ICA1: variants seen among roughly 807,000 people sequenced by gnomAD.
The protein encoded by ICA1 is 69 kDa islet cell autoantigen.
In ICA1, 40 loss-of-function variants were observed where a neutral mutation model predicts 71.0. The observed-to-expected ratio is 0.56, with a 90% CI of 0.44 to 0.73. The LOEUF (loss-of-function observed/expected upper bound fraction) is 0.73, where lower values mean the gene tolerates loss of function less well. ICA1 is among the 30% of genes least tolerant of loss of function. The pLI, the probability that ICA1 is intolerant of heterozygous loss-of-function variation, is 0.00. For missense variants in ICA1, 578 were observed against 576.5 expected (o/e 1.00, Z -0.03); for synonymous variants, 207 against 209.5 (o/e 0.99, Z 0.10).
chr7:8,246,856 C>A (rs1806212212), intron 1 of ICA1, among the ~76,000 whole-genome samples: 1 of 152,208 alleles, frequency 6.6e-6, no homozygotes, highest in Non-Finnish European at 1.5e-5. Context: ...AAGCGATTCT[C>A]TTGCCTCAGC....
In ICA1 at chr7:8,262,113, G is replaced by A. The variant is rs1301656172; in HGVS notation, c.-99C>T. 1 of 152,180 alleles carries A rather than the reference G, an allele frequency of 6.6e-6. No individual in the cohort carries two copies. The highest frequency in any genetic ancestry group is 2.4e-5 in the African/African-American group (1 of 41,440). 9.4% of individuals were successfully genotyped at this position (152,180 alleles called of 1,614,324 possible). On this transcript the variant is annotated 5_prime_UTR_variant, in exon 1 of 14. Transcript: ENST00000402384. ...AGGTACCTCGGAGCCCCGGCCCCCA[G>A]GAGCCTCCCGGCCGCGGTCGGAGCG...
At chr7:8,129,292 G>A (rs1418905826) in intron 12 of ICA1, among the ~76,000 whole-genome samples, 1 of 151,540 alleles carries the variant, frequency 6.6e-6, no homozygotes, top group Non-Finnish European at 1.5e-5. Flanking sequence ...GAGACATGCT[G>A]CAATTCTGAT....
chr7:8,124,595 C>T (rs1788414438), intron 13 of ICA1, among the ~76,000 whole-genome samples: 2 of 152,040 alleles, frequency 1.3e-5, no homozygotes, highest in Non-Finnish European at 2.9e-5. Context: ...TTGTAACAAA[C>T]ACGTGTTGAA....
At chr7:8,212,383 G>A (rs1008010744) in intron 6 of ICA1, among the ~76,000 whole-genome samples, 28 of 152,124 alleles carry the variant, frequency 1.8e-4, no homozygotes, top group Non-Finnish European at 1.5e-5. Flanking sequence ...TGGCCAACAT[G>A]GTGAAACCCC....
chr7:8,176,922 T>A (rs1780803559), intron 6 of ICA1, among the ~76,000 whole-genome samples: 1 of 152,186 alleles, frequency 6.6e-6, no homozygotes. Context: ...AGCCAGGATG[T>A]GAAAGCCCCT....
intron 12 of ICA1, among the ~76,000 whole-genome samples, chr7:8,134,598 C>T (rs954994660): frequency 3.9e-5 from 6 of 152,170 alleles, no homozygotes; most frequent in Non-Finnish European, 8.8e-5. Context: ...GCTTGCAGTA[C>T]AGATGAAAAA....
At chr7:8,131,658 A>G (rs562854763) in intron 12 of ICA1, among the ~76,000 whole-genome samples, 74 of 152,222 alleles carry the variant, frequency 4.9e-4, no homozygotes, top group Non-Finnish European at 9.3e-4. Context: ...CAATTATTGC[A>G]CTGATAATTA....
In ICA1 at chr7:8,141,956, T is replaced by C. The variant is rs142615778; in HGVS notation, c.903-139A>G. On this transcript the variant is annotated intron_variant, in intron 9 of 13. Coordinates refer to ENST00000402384, the MANE Select transcript of ICA1 (RefSeq NM_001136020.3). Reference sequence around the variant, plus strand: ...ACACGCACACGAAGAAGGGTCAACATATAGTCATTTACATGCCAATTTGCT... The same window carrying C: ...ACACGCACACGAAGAAGGGTCAACACATAGTCATTTACATGCCAATTTGCT... The C allele has an allele frequency of 2.1e-4, 317 of 1,490,048 alleles. 4 individuals are homozygous for C. The African/African-American group carries it at 3.5e-3, about 16-fold the overall frequency. 92.3% of individuals were successfully genotyped at this position (1,490,048 alleles called of 1,614,324 possible).
intron 1 of ICA1, among the ~76,000 whole-genome samples, chr7:8,256,394 C>T (rs187921909): frequency 1.8e-4 from 28 of 152,276 alleles, no homozygotes; most frequent in African/African-American, 6.3e-4. Flanking sequence ...CCCCACCCTC[C>T]GATAGAACTA....
intron 1 of ICA1, among the ~76,000 whole-genome samples, chr7:8,247,040 C>T (rs1196960517): frequency 3.3e-5 from 5 of 152,328 alleles, no homozygotes; most frequent in East Asian, 1.9e-4. Context: ...ACCACCATGC[C>T]TGGCCTTTCC....
At position 8,228,680 on chromosome 7, in the gene ICA1, TA is replaced by T. The variant is rs1234292016; in HGVS notation, c.184-8del. On this transcript the variant is annotated splice_polypyrimidine_tract_variant and splice_region_variant and intron_variant, in intron 3 of 13. Transcript: ENST00000402384. ...TCTGAATTGAATGAAACAGCTGTAA[TA>T]AAAATACAAACAAAATGCAAAATAA... 1 of 1,586,236 alleles carries T rather than the reference TA, an allele frequency of 6.3e-7. No homozygotes were observed. The highest frequency in any genetic ancestry group is 8.6e-7 in the Non-Finnish European group (1 of 1,161,828).
At chr7:8,141,345 C>A (rs1424824098) in intron 10 of ICA1, among the ~76,000 whole-genome samples, 4 of 152,186 alleles carry the variant, frequency 2.6e-5, no homozygotes, top group African/African-American at 9.7e-5. Flanking sequence ...CTATCTGTTT[C>A]CAACATTGAC....
rs1198951073 is a variant in ICA1, at chr7:8,123,625, T to TG, written c.1330+4247_1330+4248insC. Among the ~76,000 whole-genome samples, 87 of 152,206 alleles carry TG rather than the reference T, an allele frequency of 5.7e-4. No homozygotes were observed. Among genetic ancestry groups the TG allele is most frequent in the African/African-American group, 1.9e-3 (80 of 41,440 alleles). Reference sequence around the variant, plus strand: ...TATTCTATTCTGGAACATCATTCAATTGTGTGTGGACTTAGCCTCTGTCTC... The same window carrying TG: ...TATTCTATTCTGGAACATCATTCAATGTGTGTGTGGACTTAGCCTCTGTCTC... On this transcript the variant is annotated intron_variant, in intron 13 of 13. Transcript: ENST00000402384. The surrounding 1 kb of genome is among the most constrained non-coding windows in gnomAD (Gnocchi z 4.1).
chr7:8,157,156 C>G lies in ICA1; in HGVS notation c.764G>C (p.Ser255Thr). The G allele has an allele frequency of 1.2e-6, 2 of 1,613,626 alleles. No homozygotes were observed. Among genetic ancestry groups the G allele is most frequent in the Non-Finnish European group, 1.7e-6 (2 of 1,179,924 alleles). Residue 255 changes from serine to threonine, a missense_variant, in exon 8 of 14, where the codon AGT (serine) becomes ACT (threonine). Physicochemically the swap from Ser to Thr is moderately conservative, Grantham distance 58. Transcript: ENST00000402384. ...TSHTMAAIHE[S>T]FKGYQPYEFT... is the part of the protein sequence containing the mutation. ...TTCATATGGTTGATAACCTTTGAAA[C>G]TCTCATGGATGGCTGCCATAGTGTG...
chr7:8,232,531 C>T, intron 3 of ICA1, 59 bp downstream of exon 3: 1 of 1,491,142 alleles, frequency 6.7e-7, no homozygotes, highest in South Asian at 1.4e-5. Context: ...TGAGTATACT[C>T]TAGGACCTTG....
chr7:8,228,568 T>C, intron 4 of ICA1, 33 bp downstream of exon 4: 1 of 1,309,992 alleles, frequency 7.6e-7, no homozygotes, highest in Non-Finnish European at 1.1e-6. Flanking sequence ...TTTCTTACTA[T>C]TTGATCAATA....
intron 6 of ICA1, among the ~76,000 whole-genome samples, chr7:8,198,161 G>A (rs1174855274): frequency 6.6e-6 from 1 of 152,156 alleles, no homozygotes; most frequent in Non-Finnish European, 1.5e-5. Context: ...GTTACCCATT[G>A]TCACAAACAT....
In ICA1 at chr7:8,228,959, A is replaced by G. The variant is rs541884269; in HGVS notation, c.184-286T>C. Among the ~76,000 whole-genome samples the G allele has an allele frequency of 7.2e-5, 11 of 152,342 alleles. No individual in the cohort carries two copies. In the South Asian group the frequency reaches 2.1e-3, roughly 29 times the overall value. On this transcript the variant is annotated intron_variant, in intron 3 of 13. Coordinates refer to ENST00000402384, the MANE Select transcript of ICA1 (RefSeq NM_001136020.3). Reference sequence around the variant, plus strand: ...AAATAATAGCTGAAAAACAAAAAACAGACATCCTAAGTGAAGGGCCTAGTT... The same window carrying G: ...AAATAATAGCTGAAAAACAAAAAACGGACATCCTAAGTGAAGGGCCTAGTT...
chr7:8,235,585 T>C (rs1162339496), intron 2 of ICA1, among the ~76,000 whole-genome samples: 1 of 152,200 alleles, frequency 6.6e-6, no homozygotes, highest in Non-Finnish European at 1.5e-5. Flanking sequence ...TTAGAAGTTA[T>C]AAATAAGATA....
Sources: gnomAD v4.1 joint callset for allele counts (sites outside exome capture counted in the v4.1 genomes callset) on GRCh38, gnomAD v4.1.1 for gene constraint, Gnocchi (gnomAD v3.1) non-coding constraint, MANE v1.5 for transcripts, NCBI Gene and HGNC (gene_info 2026-07-23, HGNC 2026-07-21) for gene names.